Variants in BIRC6 observed in about 807,000 individuals in gnomAD.
BIRC6 encodes the protein baculoviral IAP repeat containing 6.
BIRC6 carries 98 observed loss-of-function variants against 503.3 expected under a neutral mutation model. The observed-to-expected ratio is 0.19, with a 90% CI of 0.17 to 0.23. BIRC6 has a LOEUF of 0.23. Among genes scored for constraint, BIRC6 ranks in the 10% least tolerant of loss-of-function variants. BIRC6 has a pLI of 1.00. For synonymous variants in BIRC6, 2,240 were observed against 2,078.7 expected (o/e 1.08, Z -2.11); for missense variants, 5,360 against 5,806.0 (o/e 0.92, Z 2.50).
intron 24 of BIRC6, among the ~76,000 whole-genome samples, chr2:32,464,297 C>A (rs947788080): frequency 6.6e-6 from 1 of 152,114 alleles, no homozygotes; most frequent in African/African-American, 2.4e-5. Flanking sequence ...AGTCCTAGTT[C>A]CCAAATGCAC....
Position 32,488,637 on chromosome 2 carries a change from C to A in BIRC6, c.8018C>A (p.Ser2673Ter), listed in dbSNP as rs1224950900. 6.6e-7 allele frequency: 1 copy of A among 1,521,560 alleles called. No homozygotes were observed. The highest frequency in any genetic ancestry group is 8.9e-7 in the Non-Finnish European group (1 of 1,123,826). 94.3% of individuals were successfully genotyped at this position (1,521,560 alleles called of 1,614,324 possible). ...LWLTLSLNSSSTGNKENGADI... is the reference protein window; with the variant it reads ...LWLTLSLNSS ...CTCACACTGAGCCTGAATTCTAGTT[C>A]AACTGGAAACAAAGAAAATGGAGCA... Residue 2673 changes from serine to a stop codon, truncating the protein, a stop_gained, in exon 42 of 74, where the codon TCA becomes TAA. Coordinates refer to ENST00000421745, the MANE Select transcript of BIRC6 (RefSeq NM_016252.4). LOFTEE classifies it high-confidence loss of function.
chr2:32,589,600 G>T (rs2061278896), intron 66 of BIRC6, among the ~76,000 whole-genome samples: 1 of 152,146 alleles, frequency 6.6e-6, no homozygotes, highest in Non-Finnish European at 1.5e-5. Flanking sequence ...GATAGCATTT[G>T]TTATACCCAT....
At chr2:32,595,239 A>C in intron 68 of BIRC6, 95 bp downstream of exon 68, 1 of 737,068 alleles carries the variant, frequency 1.4e-6, no homozygotes, top group African/African-American at 1.9e-5. Flanking sequence ...AGATTTTTAA[A>C]ATTGCTTGTA....
In BIRC6 at chr2:32,380,203, A is replaced by T; in HGVS notation, c.558A>T (p.Thr186=). ...ACLEKVDISS[T]EGYDLFITQL... The stretch of plus-strand genomic sequence containing the variant: ...TAGAAAAGGTAGATATTTCTAGTAC[A>T]GAGGGTTATGATTTGTTCATCACAC... The change falls in exon 3 of 74, where the codon ACA becomes ACT. Residue 186 remains threonine, a synonymous_variant. Transcript: ENST00000421745. The T allele has an allele frequency of 6.2e-7, 1 of 1,604,916 alleles. No homozygotes were observed. The highest frequency in any genetic ancestry group is 8.5e-7 in the Non-Finnish European group (1 of 1,176,202).
chr2:32,426,596 T>C (rs966191930), intron 10 of BIRC6, among the ~76,000 whole-genome samples: 3 of 152,264 alleles, frequency 2.0e-5, no homozygotes, highest in Non-Finnish European at 4.4e-5. Context: ...AGAGCGAGAC[T>C]CCGTCTCAAA....
Position 32,401,343 on chromosome 2 carries a change from A to G in BIRC6, c.1215A>G (p.Lys405=), listed in dbSNP as rs1193061796. The change falls in exon 7 of 74, where the codon AAA becomes AAG. Residue 405 remains lysine (K), a synonymous_variant. Coordinates refer to ENST00000421745, the MANE Select transcript of BIRC6 (RefSeq NM_016252.4). ...CTCATTTTCTAGCTGCTGCAACTAA[A>G]CGAGGAAAGATCTGCATATGGGATG... is the stretch of plus-strand genomic sequence containing the variant. ...SCPHFLAAAT[K]RGKICIWDVS... 2 of 1,614,040 alleles carry G rather than the reference A, an allele frequency of 1.2e-6. No homozygotes were observed. Among genetic ancestry groups the G allele is most frequent in the South Asian group, 2.2e-5 (2 of 91,088 alleles).
At position 32,607,008 on chromosome 2, in the gene BIRC6, A is replaced by C. The variant is rs1192590767; in HGVS notation, c.14071-447A>C. Among the ~76,000 whole-genome samples the C allele has an allele frequency of 1.0e-4, 15 of 150,752 alleles. No individual in the cohort carries two copies. The East Asian group carries it at 2.9e-3, about 29-fold the overall frequency. ...GGTGACAAGAGTGAAACTCAGTCTT[A>C]TTAAAAAAAAAAAAAAAATAGTACA... On this transcript the variant is annotated intron_variant, in intron 71 of 73. Coordinates refer to ENST00000421745, the MANE Select transcript of BIRC6 (RefSeq NM_016252.4).
chr2:32,493,517 A>T (rs756395598), intron 44 of BIRC6, 23 bp from the exon 45 acceptor site: 2 of 1,566,886 alleles, frequency 1.3e-6, no homozygotes, highest in East Asian at 4.5e-5. Context: ...AGCAGTTTTC[A>T]GTGAATATAC....
chr2:32,525,110 T>C, intron 58 of BIRC6, 91 bp downstream of exon 58: 1 of 1,126,916 alleles, frequency 8.9e-7, no homozygotes, highest in East Asian at 2.9e-5. Flanking sequence ...TAATACATTG[T>C]ACTAATATAA....
intron 39 of BIRC6, among the ~76,000 whole-genome samples, chr2:32,484,444 A>T (rs554660266): frequency 1.5e-4 from 23 of 151,748 alleles, no homozygotes; most frequent in African/African-American, 5.3e-4. Context: ...ATCCTTGGGA[A>T]CTGAGGCTGA....
Position 32,400,625 on chromosome 2 carries a change from C to G in BIRC6, c.1035-538C>G, listed in dbSNP as rs568887183. Among the ~76,000 whole-genome samples the G allele has an allele frequency of 1.3e-3, 201 of 152,128 alleles. 1 individual carries two copies. Among genetic ancestry groups the G allele is most frequent in the Non-Finnish European group, 2.6e-3 (175 of 68,028 alleles). On this transcript the variant is annotated intron_variant, in intron 6 of 73. Coordinates refer to ENST00000421745, the MANE Select transcript of BIRC6 (RefSeq NM_016252.4). The stretch of plus-strand genomic sequence containing the variant: ...GTGTTGGGATTACAGGCATGAGCCA[C>G]CGCACCCGGCTGCCTTCAGATCTTT...
rs1297555949 is a variant in BIRC6, at chr2:32,503,126, T to C, written c.9389T>C (p.Met3130Thr). The C allele has an allele frequency of 2.5e-6, 4 of 1,611,560 alleles. No homozygotes were observed. The highest frequency in any genetic ancestry group is 1.7e-6 in the Non-Finnish European group (2 of 1,178,742). The stretch of plus-strand genomic sequence containing the variant: ...GCAAGAAGTATGGTATCAACTATTA[T>C]GAAATTTCTTGACTCTGGTCCAAAT... The part of the protein sequence containing the change: ...NTARSMVSTI[M>T]KFLDSGPNKA... Residue 3130 changes from methionine (M) to threonine (T), a missense_variant, in exon 49 of 74, where the codon ATG becomes ACG. Met to Thr is a moderately conservative substitution (Grantham distance 81, BLOSUM62 -1). Coordinates refer to ENST00000421745, the MANE Select transcript of BIRC6 (RefSeq NM_016252.4).
chr2:32,544,091 GA>G (rs1351471474), intron 62 of BIRC6, among the ~76,000 whole-genome samples: 2 of 152,110 alleles, frequency 1.3e-5, no homozygotes, highest in Non-Finnish European at 2.9e-5. Flanking sequence ...TATGAGAGGG[GA>G]TAAGTTAGCA....
rs934279590 is a variant in BIRC6 at position 32,530,425 on chromosome 2, A to G, written c.12094+601A>G. ...AAGGTTTCACCATGTTGGCCAAGCT[A>G]CTCTGTAACTCCTGACCTCAACTTA... is the stretch of plus-strand genomic sequence containing the variant. On this transcript the variant is annotated intron_variant, in intron 60 of 73. Coordinates refer to ENST00000421745, the MANE Select transcript of BIRC6 (RefSeq NM_016252.4). Among the ~76,000 whole-genome samples the G allele has an allele frequency of 7.2e-5, 11 of 151,778 alleles. No individual in the cohort carries two copies. The East Asian group carries it at 1.2e-3, about 16-fold the overall frequency.
intron 61 of BIRC6, among the ~76,000 whole-genome samples, chr2:32,542,441 C>G (rs1314740666): frequency 6.6e-6 from 1 of 152,040 alleles, no homozygotes; most frequent in Non-Finnish European, 1.5e-5. Context: ...CCTCAGGCAT[C>G]AAAATTAATA....
intron 61 of BIRC6, among the ~76,000 whole-genome samples, chr2:32,538,404 G>C (rs144494157): frequency 6.6e-6 from 1 of 152,104 alleles, no homozygotes; most frequent in South Asian, 2.1e-4. Flanking sequence ...AGATAAAAAT[G>C]TTGGCTTTTC....
At chr2:32,610,394 G>A (rs955245425) in intron 72 of BIRC6, among the ~76,000 whole-genome samples, 8 of 152,064 alleles carry the variant, frequency 5.3e-5, no homozygotes, top group African/African-American at 1.4e-4. Flanking sequence ...TTTAAAAATC[G>A]CAAATGTAAA....
At chr2:32,548,109 ATGT>A in intron 64 of BIRC6, 95 bp downstream of exon 64, 1 of 1,124,960 alleles carries the variant, frequency 8.9e-7, no homozygotes, top group Non-Finnish European at 1.2e-6. Context: ...TTCCTCAGCT[ATGT>A]TTATGCCCAC....
chr2:32,377,387 T>G (rs1479590027), intron 1 of BIRC6, among the ~76,000 whole-genome samples: 3 of 152,136 alleles, frequency 2.0e-5, no homozygotes, highest in Non-Finnish European at 4.4e-5. Context: ...TTTTAGTAAT[T>G]TCACATTGAT....
Sources: gnomAD v4.1 joint callset for allele counts (sites outside exome capture counted in the v4.1 genomes callset) on GRCh38, gnomAD v4.1.1 for gene constraint, MANE v1.5 for transcripts, NCBI Gene and HGNC (gene_info 2026-07-23, HGNC 2026-07-21) for gene names.